INPP4B: variants seen among roughly 807,000 people sequenced by gnomAD.
The protein encoded by INPP4B is inositol polyphosphate 4-phosphatase type II.
Under a neutral mutation model 122.5 loss-of-function variants are expected in INPP4B, and 55 were observed. That is an observed-to-expected ratio of 0.45 (90% CI 0.36 to 0.56). The LOEUF is 0.56. INPP4B is among the 20% of genes least tolerant of loss of function. The probability of loss-of-function intolerance (pLI) is 0.00; values close to 1 mark genes in which losing one functional copy is unlikely to be tolerated. For synonymous variants in INPP4B, 403 were observed against 388.7 expected (o/e 1.04, Z -0.43); for missense variants, 1,000 against 1,097.7 (o/e 0.91, Z 1.26).
chr4:142,846,000 A>G (rs980184744), intron 1 of INPP4B, among the ~76,000 whole-genome samples: 4 of 152,044 alleles, frequency 2.6e-5, no homozygotes, highest in Non-Finnish European at 5.9e-5. Context: ...GAGGAGAGAC[A>G]GCCCACCCCA....
chr4:142,616,253 A>T (rs570570282), intron 2 of INPP4B, among the ~76,000 whole-genome samples: 17 of 152,218 alleles, frequency 1.1e-4, no homozygotes, highest in African/African-American at 4.1e-4. Flanking sequence ...TTGGTAGTTT[A>T]TCTTTCCCAG....
rs9991976 is a variant in INPP4B at position 142,286,469 on chromosome 4, T to C, written c.504-15695A>G. On this transcript the variant is annotated intron_variant, in intron 9 of 25. Coordinates refer to ENST00000262992, the MANE Select transcript of INPP4B (RefSeq NM_001101669.3). The stretch of plus-strand genomic sequence containing the variant: ...TTCCAATTCCAGAGAGATTGCTGTA[T>C]ATATTTTTGTAAATCTTTGAGAATT... Among the ~76,000 whole-genome samples the C allele has an allele frequency of 4.6e-3, 698 of 152,360 alleles. 6 individuals carry two copies. The highest frequency in any genetic ancestry group is 0.016 in the African/African-American group (660 of 41,588).
At chr4:142,151,278 T>TCA (rs201269039) in intron 17 of INPP4B, among the ~76,000 whole-genome samples, 5 of 151,956 alleles carry the variant, frequency 3.3e-5, no homozygotes, top group African/African-American at 7.2e-5. Context: ...TCTCTTTCTT[T>TCA]CACACACACA....
intron 1 of INPP4B, among the ~76,000 whole-genome samples, chr4:142,751,851 T>C (rs146485486): frequency 8.5e-4 from 129 of 152,192 alleles, no homozygotes; most frequent in Middle Eastern, 3.4e-3. Flanking sequence ...AGACAACCTC[T>C]TACAAAACTG....
rs965894251 is a variant in INPP4B, at chr4:142,028,043, C to G, written c.*739G>C. The G allele has an allele frequency of 9.2e-6, 2 of 217,046 alleles. No homozygotes were observed. The highest frequency in any genetic ancestry group is 4.5e-5 in the African/African-American group (2 of 44,434). The allele number at this position is 217,046 out of a possible 1,614,324, so 13.4% of individuals were successfully genotyped here. ...TTTTATTTTATTTGTAATTTTAGAT[C>G]ATTGCAGTGTTTTGCTTATCATTCT... On this transcript the variant is annotated 3_prime_UTR_variant, in exon 26 of 26. Coordinates refer to ENST00000262992, the MANE Select transcript of INPP4B (RefSeq NM_001101669.3).
At chr4:142,421,218 T>C (rs1371652979) in intron 5 of INPP4B, among the ~76,000 whole-genome samples, 4 of 152,258 alleles carry the variant, frequency 2.6e-5, no homozygotes, top group Non-Finnish European at 5.9e-5. Flanking sequence ...ATTTTTGTTG[T>C]TGAGTTGTTG....
At chr4:142,252,149 A>G (rs1732483645) in intron 11 of INPP4B, among the ~76,000 whole-genome samples, 2 of 152,000 alleles carry the variant, frequency 1.3e-5, no homozygotes, top group South Asian at 2.1e-4. Context: ...GACAAGGTAC[A>G]TAAGGTATTA....
intron 10 of INPP4B, among the ~76,000 whole-genome samples, chr4:142,265,891 T>C (rs1016579313): frequency 2.6e-5 from 4 of 152,200 alleles, no homozygotes; most frequent in Non-Finnish European, 5.9e-5. Context: ...AAGTTCTCCA[T>C]TTATGAAAAG....
chr4:142,842,757 A>T (rs1232515439), intron 1 of INPP4B, among the ~76,000 whole-genome samples: 1 of 132,702 alleles, frequency 7.5e-6, no homozygotes, highest in Non-Finnish European at 1.6e-5. Flanking sequence ...TAATATATCT[A>T]TAATAATCCT....
chr4:142,789,321 T>A (rs1776207704), intron 1 of INPP4B, among the ~76,000 whole-genome samples: 1 of 152,090 alleles, frequency 6.6e-6, no homozygotes, highest in African/African-American at 2.4e-5. Flanking sequence ...TATGATTGTT[T>A]AACTAGAAAA....
chr4:142,647,427 AG>A (rs1752017116), intron 2 of INPP4B, among the ~76,000 whole-genome samples: 1 of 152,212 alleles, frequency 6.6e-6, no homozygotes, highest in Non-Finnish European at 1.5e-5. Context: ...AAGAAGATAG[AG>A]GGCATGAAGG....
chr4:142,782,317 A>G (rs1366933197), intron 1 of INPP4B, among the ~76,000 whole-genome samples: 1 of 150,008 alleles, frequency 6.7e-6, no homozygotes, highest in African/African-American at 2.4e-5. Context: ...TGAACTCATC[A>G]TTTTTTATGG....
At chr4:142,034,781 C>T (rs1742806719) in intron 25 of INPP4B, among the ~76,000 whole-genome samples, 1 of 152,144 alleles carries the variant, frequency 6.6e-6, no homozygotes, top group South Asian at 2.1e-4. Context: ...TCATTCTTAC[C>T]CTTGTTACTC....
intron 12 of INPP4B, among the ~76,000 whole-genome samples, chr4:142,213,325 A>T (rs1024539314): frequency 2.0e-5 from 3 of 152,156 alleles, no homozygotes; most frequent in Admixed American, 6.5e-5. Flanking sequence ...TCAGTGGCTC[A>T]TTGTCAGTCT....
intron 2 of INPP4B, among the ~76,000 whole-genome samples, chr4:142,532,146 T>G (rs1827685574): frequency 6.6e-6 from 1 of 152,144 alleles, no homozygotes. Flanking sequence ...TCAGGTAACA[T>G]TTCCCTCCGC....
At chr4:142,526,483 A>C (rs990039558) in intron 2 of INPP4B, among the ~76,000 whole-genome samples, 16 of 152,130 alleles carry the variant, frequency 1.1e-4, no homozygotes, top group African/African-American at 3.6e-4. Flanking sequence ...TTTGGCCATA[A>C]TGCATCAATT....
chr4:142,327,269 G>A (rs1362448002), intron 7 of INPP4B, among the ~76,000 whole-genome samples: 2 of 152,042 alleles, frequency 1.3e-5, no homozygotes, highest in African/African-American at 4.8e-5. Context: ...AACAATATAA[G>A]GCTAAATAAT....
At chr4:142,284,016 A>C (rs1379619879) in intron 9 of INPP4B, among the ~76,000 whole-genome samples, 2 of 152,162 alleles carry the variant, frequency 1.3e-5, no homozygotes, top group Non-Finnish European at 2.9e-5. Flanking sequence ...TCCACTGGGC[A>C]GATATCCCAA....
At chr4:142,685,447 C>T (rs552377729) in intron 2 of INPP4B, among the ~76,000 whole-genome samples, 51 of 151,972 alleles carry the variant, frequency 3.4e-4, no homozygotes, top group Non-Finnish European at 6.0e-4. Flanking sequence ...TTCCATGGGG[C>T]GAATTTCACA....
Sources: allele counts gnomAD v4.1 joint callset (sites outside exome capture counted in the v4.1 genomes callset), GRCh38; gene constraint gnomAD v4.1.1; transcripts MANE v1.5; gene names NCBI Gene and HGNC (gene_info 2026-07-23, HGNC 2026-07-21).